DCAF8L2: variants seen among roughly 807,000 people sequenced by gnomAD.
DCAF8L2 encodes the protein DDB1- and CUL4-associated factor 8-like protein 2.
For missense variants in DCAF8L2, 430 were observed against 490.7 expected (o/e 0.88, Z 1.17); for synonymous variants, 200 against 190.9 (o/e 1.05, Z -0.39).
chrX:27,555,535 G>A, the DCAF8L2 span, among the ~76,000 whole-genome samples: 2 of 112,108 alleles, frequency 1.8e-5, no homozygotes, highest in Non-Finnish European at 3.8e-5. Context: ...AAACCTGACA[G>A]CTTAAGAGAC....
chrX:27,486,626 T>G, the DCAF8L2 span, among the ~76,000 whole-genome samples: 1 of 111,775 alleles, frequency 8.9e-6, no homozygotes, highest in Admixed American at 9.5e-5. Flanking sequence ...CATTGTCCCC[T>G]TTTCATGTTC....
At chrX:27,703,230 C>T (rs1015840256) in intron 3 of DCAF8L2, among the ~76,000 whole-genome samples, 8 of 111,126 alleles carry the variant, frequency 7.2e-5, no homozygotes, top group African/African-American at 3.3e-5. Context: ...GTTGACAGAA[C>T]GAAAGATTTA....
At chrX:27,514,525 C>T in the DCAF8L2 span, among the ~76,000 whole-genome samples, 383 of 104,610 alleles carry the variant, frequency 3.7e-3, no homozygotes, top group Non-Finnish European at 5.2e-3. Flanking sequence ...AAAAATTAGC[C>T]GGGCGTAGTG....
At chrX:27,616,722 A>ATG (rs993397635) in intron 1 of DCAF8L2, among the ~76,000 whole-genome samples, 1 of 111,322 alleles carries the variant, frequency 9.0e-6, no homozygotes, top group Non-Finnish European at 1.9e-5. Flanking sequence ...ACAGATTAAC[A>ATG]TCCCCATCAG....
chrX:27,486,373 T>G, the DCAF8L2 span, among the ~76,000 whole-genome samples: 4 of 111,352 alleles, frequency 3.6e-5, no homozygotes, highest in Non-Finnish European at 5.6e-5. Context: ...ATATTTGAAA[T>G]GAAAGTAGCA....
chrX:27,580,926 C>T, the DCAF8L2 span, among the ~76,000 whole-genome samples: 1 of 96,384 alleles, frequency 1.0e-5, no homozygotes, highest in African/African-American at 3.8e-5. Context: ...CTAGTAGTCA[C>T]ATTTTAGAAA....
the DCAF8L2 span, among the ~76,000 whole-genome samples, chrX:27,537,827 C>T: frequency 8.9e-6 from 1 of 111,874 alleles, no homozygotes; most frequent in Non-Finnish European, 1.9e-5. Flanking sequence ...TGCAAAGACG[C>T]TGAGGTATGG....
chrX:27,679,910 GAAC>G (rs1930265754), intron 3 of DCAF8L2, among the ~76,000 whole-genome samples: 1 of 111,839 alleles, frequency 8.9e-6, no homozygotes, highest in African/African-American at 3.2e-5. Flanking sequence ...GATCTAGCTA[GAAC>G]AACATTAAAT....
chrX:27,565,433 A>T, the DCAF8L2 span, among the ~76,000 whole-genome samples: 1 of 111,653 alleles, frequency 9.0e-6, no homozygotes, highest in Non-Finnish European at 1.9e-5. Flanking sequence ...TGATCCTTTT[A>T]ATATTCTGTT....
chrX:27,743,961 G>A (rs1922025530), intron 4 of DCAF8L2, among the ~76,000 whole-genome samples: 1 of 109,811 alleles, frequency 9.1e-6, no homozygotes, highest in South Asian at 3.9e-4. Flanking sequence ...TCAAATTCCT[G>A]ACCTCAAATG....
intron 3 of DCAF8L2, among the ~76,000 whole-genome samples, chrX:27,715,437 T>A (rs1602770072): frequency 1.9e-5 from 2 of 107,855 alleles, no homozygotes; most frequent in African/African-American, 6.8e-5. Context: ...TTGGAAAAAC[T>A]AATAAACGTC....
At chrX:27,657,698 A>G (rs1009655388) in intron 2 of DCAF8L2, among the ~76,000 whole-genome samples, 1 of 112,253 alleles carries the variant, frequency 8.9e-6, no homozygotes, top group Admixed American at 9.5e-5. Flanking sequence ...ATGAGACAGA[A>G]TAAGGATAAT....
chrX:27,671,309 T>C (rs1179404957), intron 2 of DCAF8L2, among the ~76,000 whole-genome samples: 1 of 112,176 alleles, frequency 8.9e-6, no homozygotes, highest in African/African-American at 3.2e-5. Context: ...ATAACTTTTA[T>C]TTTTTCACCA....
At chrX:27,518,477 A>G in the DCAF8L2 span, 3 of 444,672 alleles carry the variant, frequency 6.7e-6, no homozygotes, top group African/African-American at 7.2e-5. Context: ...GTGGTGGCTC[A>G]TGCCTGTAAT....
chrX:27,628,849 C>T (rs1468365548), intron 1 of DCAF8L2, among the ~76,000 whole-genome samples: 6 of 110,785 alleles, frequency 5.4e-5, no homozygotes, highest in African/African-American at 1.3e-4. Context: ...TTGATCTACC[C>T]GCCTCAGCCT....
chrX:27,670,970 A>G (rs1245717033), intron 2 of DCAF8L2, among the ~76,000 whole-genome samples: 2 of 111,844 alleles, frequency 1.8e-5, no homozygotes, highest in Non-Finnish European at 3.8e-5. Flanking sequence ...TTCTTTATTA[A>G]TTACTCAACA....
intron 2 of DCAF8L2, among the ~76,000 whole-genome samples, chrX:27,662,322 G>A (rs1219365233): frequency 4.5e-5 from 5 of 110,885 alleles, no homozygotes; most frequent in Admixed American, 1.9e-4. Flanking sequence ...TTTATTCTTA[G>A]GAAGAATATA....
chrX:27,504,613 T>G, the DCAF8L2 span, among the ~76,000 whole-genome samples: 7 of 110,853 alleles, frequency 6.3e-5, no homozygotes, highest in Admixed American at 6.8e-4. Context: ...CACTCCAAAT[T>G]TTTATTGCAT....
the DCAF8L2 span, among the ~76,000 whole-genome samples, chrX:27,490,451 T>TG: frequency 9.4e-6 from 1 of 106,702 alleles, no homozygotes; most frequent in Non-Finnish European, 2.0e-5. Context: ...TTTGTTTGTT[T>TG]TTTGTTTTTT....
Sources: allele counts gnomAD v4.1 joint callset (sites outside exome capture counted in the v4.1 genomes callset), GRCh38; gene constraint gnomAD v4.1.1; transcripts MANE v1.5; gene names NCBI Gene and HGNC (gene_info 2026-07-23, HGNC 2026-07-21).